Variants in CPLX2 observed in about 807,000 individuals in gnomAD.
The protein encoded by CPLX2 is complexin 2.
In CPLX2, 5 loss-of-function variants were observed where a neutral mutation model predicts 16.3. The observed-to-expected ratio is 0.31, with a 90% CI of 0.16 to 0.64. The LOEUF is 0.64. CPLX2 is among the 30% of genes least tolerant of loss of function. The pLI is 0.79. For synonymous variants in CPLX2, 89 were observed against 73.2 expected (o/e 1.22, Z -1.10); for missense variants, 144 against 181.4 (o/e 0.79, Z 1.18).
At chr5:175,805,912 A>G (rs1472515730) in intron 1 of CPLX2, among the ~76,000 whole-genome samples, 1 of 152,066 alleles carries the variant, frequency 6.6e-6, no homozygotes, top group South Asian at 2.1e-4. Context: ...GCTGAGTCCC[A>G]TTCTCCCTCA....
rs781488486 is a variant in CPLX2, at chr5:175,872,539, G to A, written c.-89+834G>A. Among the ~76,000 whole-genome samples the A allele has an allele frequency of 1.2e-4, 19 of 152,016 alleles. No homozygotes were observed. The highest frequency in any genetic ancestry group is 1.9e-4 in the Non-Finnish European group (13 of 67,984). On this transcript the variant is annotated intron_variant, in intron 1 of 3. Coordinates refer to ENST00000393745, the MANE Select transcript of CPLX2 (RefSeq NM_001008220.2). The surrounding 1 kb of genome is among the most constrained non-coding windows in gnomAD (Gnocchi z 5.0). ...GGGGTGTGGGTCTCCGCGGGGGTCC[G>A]GGAGAGGGGCGCCGGGGTTCCTGTC...
intron 2 of CPLX2, among the ~76,000 whole-genome samples, chr5:175,843,241 C>G (rs570956421): frequency 5.3e-5 from 8 of 152,316 alleles, no homozygotes; most frequent in Non-Finnish European, 8.8e-5. Flanking sequence ...GCCCCTCTCT[C>G]GAGCTCTGCC....
At chr5:175,860,367 G>A (rs910440745) in intron 2 of CPLX2, among the ~76,000 whole-genome samples, 1 of 151,216 alleles carries the variant, frequency 6.6e-6, no homozygotes, top group African/African-American at 2.4e-5. Flanking sequence ...AGGCGGCAGT[G>A]AGCCATGATT....
chr5:175,863,637 A>C (rs1455140635), intron 2 of CPLX2, among the ~76,000 whole-genome samples: 2 of 152,124 alleles, frequency 1.3e-5, no homozygotes, highest in African/African-American at 4.8e-5. Flanking sequence ...AGACTTCCCC[A>C]ATCCTTTTCT....
intron 2 of CPLX2, among the ~76,000 whole-genome samples, chr5:175,847,694 C>A (rs940160558): frequency 6.6e-6 from 1 of 152,294 alleles, no homozygotes; most frequent in African/African-American, 2.4e-5. Flanking sequence ...CATGAGAAGG[C>A]GGCTGCAGAA....
chr5:175,854,910 C>T (rs1336643024), intron 2 of CPLX2, among the ~76,000 whole-genome samples: 10 of 152,216 alleles, frequency 6.6e-5, no homozygotes, highest in African/African-American at 7.2e-5. Flanking sequence ...GCCAAGGCAT[C>T]GGGGCTGCAA....
intron 2 of CPLX2, among the ~76,000 whole-genome samples, chr5:175,834,894 AAAAC>A (rs1458346316): frequency 6.6e-6 from 1 of 152,162 alleles, no homozygotes; most frequent in Non-Finnish European, 1.5e-5. Context: ...AAACAAACAA[AAAAC>A]AAACAAACGA....
At chr5:175,820,500 T>A (rs1461926630) in intron 2 of CPLX2, among the ~76,000 whole-genome samples, 1 of 152,138 alleles carries the variant, frequency 6.6e-6, no homozygotes, top group Non-Finnish European at 1.5e-5. Flanking sequence ...TCACCTTGTC[T>A]CCCTGCAGCT....
chr5:175,829,614 C>T (rs1178183147), intron 2 of CPLX2, among the ~76,000 whole-genome samples: 1 of 152,158 alleles, frequency 6.6e-6, no homozygotes, highest in African/African-American at 2.4e-5. Context: ...CTCTGCACCC[C>T]TATATCTCCA....
rs145518822 is a variant in CPLX2, at chr5:175,819,192, G to T, written c.-89+10124G>T. Among the ~76,000 whole-genome samples the T allele has an allele frequency of 3.3e-5, 5 of 152,096 alleles. No homozygotes were observed. The South Asian group carries it at 6.2e-4, about 19-fold the overall frequency. On this transcript the variant is annotated intron_variant, in intron 2 of 4. Coordinates refer to the CPLX2 transcript ENST00000359546. The stretch of plus-strand genomic sequence containing the variant: ...TCAGCTTTAGACTCTTGGGAGAAGC[G>T]CTGCCATGAAGATTCTTGCACGTGT...
At chr5:175,847,320 C>T (rs1461319874) in intron 2 of CPLX2, among the ~76,000 whole-genome samples, 1 of 152,172 alleles carries the variant, frequency 6.6e-6, no homozygotes, top group Non-Finnish European at 1.5e-5. Context: ...TCTTGGAGCC[C>T]TTCAGGATCC....
intron 2 of CPLX2, among the ~76,000 whole-genome samples, chr5:175,825,394 CAAACAA>C (rs1758593614): frequency 6.8e-6 from 1 of 147,936 alleles, no homozygotes; most frequent in Admixed American, 6.7e-5. Context: ...GTCTCAAAAA[CAAACAA>C]AAAGAAAAAA....
At chr5:175,829,937 C>A (rs970881904) in intron 2 of CPLX2, among the ~76,000 whole-genome samples, 5 of 152,174 alleles carry the variant, frequency 3.3e-5, no homozygotes, top group African/African-American at 1.2e-4. Flanking sequence ...GCCACCAGGT[C>A]CTCCCTCCCT....
intron 1 of CPLX2, 120 bp from the exon 2 acceptor site, chr5:175,878,532 C>G (rs1432291939): frequency 1.6e-6 from 1 of 616,688 alleles, no homozygotes; most frequent in Non-Finnish European, 2.9e-6. Flanking sequence ...GGCATTGGGT[C>G]TTGACCTCAG....
intron 2 of CPLX2, among the ~76,000 whole-genome samples, chr5:175,818,089 G>C (rs1237978446): frequency 6.6e-6 from 1 of 152,162 alleles, no homozygotes; most frequent in Non-Finnish European, 1.5e-5. Flanking sequence ...TGGGAGAGTG[G>C]GCAGGCATGT....
At position 175,878,604 on chromosome 5, in the gene CPLX2, T is replaced by A. The variant is rs940700979; in HGVS notation, c.-88-48T>A. ...TGCTGTCTGCCTAGCTCCCCCGCCCTGCCTGTGCAGAGGCCTCTCCCATCT... is the reference window on the plus strand; with the variant it reads ...TGCTGTCTGCCTAGCTCCCCCGCCCAGCCTGTGCAGAGGCCTCTCCCATCT... On this transcript the variant is annotated intron_variant, in intron 1 of 3. Coordinates refer to ENST00000393745, the MANE Select transcript of CPLX2 (RefSeq NM_001008220.2). 50 of 969,890 alleles carry A rather than the reference T, an allele frequency of 5.2e-5. No homozygotes were observed. The East Asian group carries it at 1.3e-3, about 25-fold the overall frequency. The allele number at this position is 969,890 out of a possible 1,614,324, so 60.1% of individuals were successfully genotyped here. A position where few individuals can be genotyped will look rare whatever the true frequency, so the allele number is the denominator to read the frequency against.
Position 175,799,539 on chromosome 5 carries a change from C to CATATATATATTTATATATATTT in CPLX2, c.-169+2765_-169+2766insTTATATATATTTATATATATAT, listed in dbSNP as rs1227041477. Among the ~76,000 whole-genome samples, 20 of 72,260 alleles carry CATATATATATTTATATATATTT rather than the reference C, an allele frequency of 2.8e-4. No individual in the cohort carries two copies. In the East Asian group the frequency reaches 4.0e-3, roughly 14 times the overall value. 47.4% of individuals were successfully genotyped at this position (72,260 alleles called of 152,430 possible). A position where few individuals can be genotyped will look rare whatever the true frequency, so the allele number is the denominator to read the frequency against. On this transcript the variant is annotated intron_variant, in intron 1 of 4. Transcript: ENST00000359546. ...ATCTTTGAGATCCCTTTGCAAATTTCATATATATATATATATATATATATA... is the reference window on the plus strand; with the variant it reads ...ATCTTTGAGATCCCTTTGCAAATTTCATATATATATTTATATATATTTATATATATATATATATATATATATA...
chr5:175,826,624 G>A (rs1254886034), intron 2 of CPLX2, among the ~76,000 whole-genome samples: 1 of 152,110 alleles, frequency 6.6e-6, no homozygotes, highest in Non-Finnish European at 1.5e-5. Context: ...ATGTGGGAAG[G>A]AGACGAAGAA....
chr5:175,845,104 C>T lies in CPLX2; in HGVS notation c.-88-33548C>T, dbSNP rs967578824. On this transcript the variant is annotated intron_variant, in intron 2 of 4. Transcript: ENST00000359546. The surrounding 1 kb of genome is among the most constrained non-coding windows in gnomAD (Gnocchi z 4.0). The stretch of plus-strand genomic sequence containing the variant: ...CCTTCCGTGCCCATGGAAGCACTTG[C>T]CTGCAGCTTCTGTGGCCAACAGATC... Among the ~76,000 whole-genome samples, 2 of 152,226 alleles carry T rather than the reference C, an allele frequency of 1.3e-5. No homozygotes were observed. The highest frequency in any genetic ancestry group is 4.8e-5 in the African/African-American group (2 of 41,460).
Sources: allele counts gnomAD v4.1 joint callset (sites outside exome capture counted in the v4.1 genomes callset), GRCh38; gene constraint gnomAD v4.1.1; non-coding constraint Gnocchi (gnomAD v3.1); transcripts MANE v1.5; gene names NCBI Gene and HGNC (gene_info 2026-07-23, HGNC 2026-07-21).